Variants in CMIP observed in about 807,000 individuals in gnomAD.
The protein encoded by CMIP is c-Maf inducing protein.
In CMIP, 13 loss-of-function variants were observed where a neutral mutation model predicts 97.3. The observed-to-expected ratio is 0.13, with a 90% CI of 0.09 to 0.21. CMIP has a LOEUF of 0.21. Among genes scored for constraint, CMIP ranks in the 10% least tolerant of loss-of-function variants. The pLI is 1.00. For synonymous variants in CMIP, 538 were observed against 436.3 expected (o/e 1.23, Z -2.91); for missense variants, 847 against 1,024.9 (o/e 0.83, Z 2.37).
At chr16:81,617,894 A>T (rs2150957179) in intron 2 of CMIP, among the ~76,000 whole-genome samples, 1 of 152,340 alleles carries the variant, frequency 6.6e-6, no homozygotes, top group South Asian at 2.1e-4. Flanking sequence ...TCACACATAT[A>T]TACAGGGCAC....
intron 1 of CMIP, 134 bp downstream of exon 1, chr16:81,445,675 AC>A: frequency 9.7e-7 from 1 of 1,026,686 alleles, no homozygotes; most frequent in Non-Finnish European, 1.4e-6. Flanking sequence ...AACGGGGAGA[AC>A]CAGGGCGCCT....
At chr16:81,488,727 A>G (rs149296601) in intron 1 of CMIP, among the ~76,000 whole-genome samples, 3 of 152,302 alleles carry the variant, frequency 2.0e-5, no homozygotes, top group African/African-American at 7.2e-5. Context: ...GGGAGGGCAC[A>G]GAACCTCTGT....
At position 81,703,926 on chromosome 16, in the gene CMIP, C is replaced by G. The variant is rs562057450; in HGVS notation, c.1945-13C>G. ...CAGCAGCACCCTCAGGCCTCTCCCC[C>G]GTCTGCCCGCAGGACGCTGACTTGG... is the stretch of plus-strand genomic sequence containing the variant. On this transcript the variant is annotated splice_polypyrimidine_tract_variant and intron_variant, in intron 17 of 20. Coordinates refer to ENST00000537098, the MANE Select transcript of CMIP (RefSeq NM_198390.3). 3.1e-5 allele frequency: 50 copies of G among 1,588,136 alleles called. No homozygotes were observed. The African/African-American group carries it at 4.4e-4, about 14-fold the overall frequency.
intron 10 of CMIP, among the ~76,000 whole-genome samples, chr16:81,683,555 A>G (rs985078998): frequency 5.9e-5 from 9 of 151,280 alleles, no homozygotes; most frequent in Non-Finnish European, 8.8e-5. Context: ...AAGTCTGGCT[A>G]ATTTTTGTAT....
At chr16:81,568,046 T>G (rs2091015436) in intron 1 of CMIP, among the ~76,000 whole-genome samples, 4 of 149,602 alleles carry the variant, frequency 2.7e-5, no homozygotes, top group South Asian at 4.3e-4. Context: ...TGTGTTTTTT[T>G]TTTTTTTTTT....
intron 1 of CMIP, among the ~76,000 whole-genome samples, chr16:81,597,593 C>CGGG (rs35366336): frequency 1.8e-5 from 1 of 54,164 alleles, no homozygotes; most frequent in African/African-American, 5.4e-5. Flanking sequence ...GCGAGGGGAG[C>CGGG]GGGGGGGGGG....
At chr16:81,452,157 A>G (rs998257460) in intron 1 of CMIP, among the ~76,000 whole-genome samples, 2 of 152,164 alleles carry the variant, frequency 1.3e-5, no homozygotes, top group Non-Finnish European at 2.9e-5. Context: ...TGGGGTGTGC[A>G]GTGAGGCCAC....
chr16:81,587,656 C>G (rs968720551), intron 1 of CMIP, among the ~76,000 whole-genome samples: 2 of 152,218 alleles, frequency 1.3e-5, no homozygotes, highest in African/African-American at 4.8e-5. Context: ...GAGTGGGAAT[C>G]TCAGCCGTCT....
intron 1 of CMIP, among the ~76,000 whole-genome samples, chr16:81,523,911 G>A (rs966482758): frequency 2.0e-5 from 3 of 152,218 alleles, no homozygotes; most frequent in East Asian, 1.9e-4. Context: ...AAAAGCCAGC[G>A]CCTGCACACC....
At chr16:81,551,364 G>A (rs992109836) in intron 1 of CMIP, among the ~76,000 whole-genome samples, 2 of 152,246 alleles carry the variant, frequency 1.3e-5, no homozygotes, top group African/African-American at 4.8e-5. Flanking sequence ...GTCACTTCTA[G>A]CTAATTAGCA....
intron 9 of CMIP, among the ~76,000 whole-genome samples, chr16:81,673,422 G>A (rs903689496): frequency 3.9e-4 from 60 of 152,190 alleles, no homozygotes; most frequent in Admixed American, 2.4e-3. Context: ...AGGCTGAGGC[G>A]GGAGAATAGC....
At chr16:81,489,523 C>T (rs1597470415) in intron 1 of CMIP, among the ~76,000 whole-genome samples, 4 of 152,168 alleles carry the variant, frequency 2.6e-5, no homozygotes, top group African/African-American at 9.7e-5. Context: ...CCAAAAGTGC[C>T]GCTGTACCCG....
intron 1 of CMIP, among the ~76,000 whole-genome samples, chr16:81,503,215 G>A (rs934984273): frequency 6.6e-6 from 1 of 152,116 alleles, no homozygotes; most frequent in Non-Finnish European, 1.5e-5. Context: ...CAGGGAAACC[G>A]GGATACATGG....
At chr16:81,584,801 C>A (rs2091353676) in intron 1 of CMIP, among the ~76,000 whole-genome samples, 1 of 152,222 alleles carries the variant, frequency 6.6e-6, no homozygotes, top group Non-Finnish European at 1.5e-5. Flanking sequence ...CATTCTCCCT[C>A]TGTCCAGTAA....
intron 16 of CMIP, 81 bp from the exon 17 acceptor site, chr16:81,702,541 G>A: frequency 2.2e-6 from 3 of 1,351,588 alleles, no homozygotes; most frequent in Admixed American, 3.8e-5. Context: ...ATGGCTCCAT[G>A]AGTGTTGTTA....
chr16:81,675,090 C>A (rs917396881), intron 9 of CMIP, among the ~76,000 whole-genome samples: 2 of 152,178 alleles, frequency 1.3e-5, no homozygotes, highest in East Asian at 1.9e-4. Context: ...TACGTTAATA[C>A]CTCCTGGCTG....
chr16:81,486,927 G>A (rs1040723768), intron 1 of CMIP, among the ~76,000 whole-genome samples: 3 of 152,254 alleles, frequency 2.0e-5, no homozygotes, highest in East Asian at 1.9e-4. Context: ...CATACTCCCC[G>A]GCCTCCTGGG....
Position 81,580,901 on chromosome 16 carries a change from C to T in CMIP, c.301-26666C>T, listed in dbSNP as rs369603744. Among the ~76,000 whole-genome samples the T allele has an allele frequency of 2.6e-4, 39 of 152,306 alleles. 1 individual carries two copies. Among genetic ancestry groups the T allele is most frequent in the African/African-American group, 6.3e-4 (26 of 41,558 alleles). Reference sequence around the variant, plus strand: ...CCGAAACCTCTTCTCCACCCCAGCACGAAATCTCGTGCCCATTAGCAGTCA... The same window carrying T: ...CCGAAACCTCTTCTCCACCCCAGCATGAAATCTCGTGCCCATTAGCAGTCA... On this transcript the variant is annotated intron_variant, in intron 1 of 20. Coordinates refer to ENST00000537098, the MANE Select transcript of CMIP (RefSeq NM_198390.3).
chr16:81,545,835 G>A (rs907984786), intron 1 of CMIP, among the ~76,000 whole-genome samples: 2 of 152,162 alleles, frequency 1.3e-5, no homozygotes, highest in African/African-American at 2.4e-5. Flanking sequence ...TCCACACACA[G>A]TACAAGTCTG....
Sources: allele counts gnomAD v4.1 joint callset (sites outside exome capture counted in the v4.1 genomes callset), GRCh38; gene constraint gnomAD v4.1.1; transcripts MANE v1.5; gene names NCBI Gene and HGNC (gene_info 2026-07-23, HGNC 2026-07-21).